Variants in FRS2 observed in about 807,000 individuals in gnomAD.
FRS2 encodes fibroblast growth factor receptor substrate 2.
In FRS2, 8 loss-of-function variants were observed where a neutral mutation model predicts 43.9. The observed-to-expected ratio is 0.18, with a 90% CI of 0.11 to 0.33. FRS2 has a LOEUF of 0.33. Ranked by LOEUF, FRS2 falls within the 10% of genes least tolerant of loss-of-function variation. FRS2 has a pLI of 1.00. For synonymous variants in FRS2, 219 were observed against 220.3 expected, an observed-to-expected ratio of 0.99 and a Z score of 0.05; for missense variants, 534 against 627.6, an observed-to-expected ratio of 0.85 and a Z score of 1.59.
At position 69,556,227 on chromosome 12, in the gene FRS2, A is replaced by T. The variant is rs188982950; in HGVS notation, c.-121-5953A>T. On this transcript the variant is annotated intron_variant, in intron 3 of 8. Coordinates refer to ENST00000549921, the MANE Select transcript of FRS2 (RefSeq NM_001278356.2). ...ATATTTAGACTTTTAATATTAGTCTAGTAACATCATATCCAACTGAGTTTG... is the reference window on the plus strand; with the variant it reads ...ATATTTAGACTTTTAATATTAGTCTTGTAACATCATATCCAACTGAGTTTG... Among the ~76,000 whole-genome samples, 85 of 152,308 alleles carry T rather than the reference A, an allele frequency of 5.6e-4. 1 individual carries two copies. Among genetic ancestry groups the T allele is most frequent in the Middle Eastern group, 3.4e-3 (1 of 294 alleles).
intron 3 of FRS2, among the ~76,000 whole-genome samples, chr12:69,541,964 G>T (rs1877951360): frequency 6.6e-6 from 1 of 151,810 alleles, no homozygotes; most frequent in South Asian, 2.1e-4. Context: ...AATTTAAAGG[G>T]AGATACTGGT....
intron 1 of FRS2, among the ~76,000 whole-genome samples, chr12:69,485,082 AACACACACACACACACACACACACACAC>A (rs71094716): frequency 2.3e-5 from 2 of 85,348 alleles, no homozygotes; most frequent in Admixed American, 1.2e-4. Context: ...CTCATCTTAA[AACACACACACACACACACACACACACAC>A]ACACACACAC....
At chr12:69,528,307 T>C (rs1379523921) in intron 1 of FRS2, among the ~76,000 whole-genome samples, 1 of 152,232 alleles carries the variant, frequency 6.6e-6, no homozygotes, top group Non-Finnish European at 1.5e-5. Flanking sequence ...GTGAGTTCTT[T>C]TGATTGTTTC....
At chr12:69,475,373 G>A (rs1431164419) in intron 1 of FRS2, among the ~76,000 whole-genome samples, 2 of 152,186 alleles carry the variant, frequency 1.3e-5, no homozygotes, top group African/African-American at 4.8e-5. Context: ...GGGGTTTTGT[G>A]TGTGCTTTGT....
intron 6 of FRS2, 69 bp downstream of exon 6, chr12:69,570,586 GATTAA>G (rs1257426628): frequency 2.2e-5 from 20 of 893,802 alleles, no homozygotes; most frequent in Non-Finnish European, 3.2e-5. Context: ...TGTATACAAA[GATTAA>G]ATTAATATTT....
chr12:69,549,774 A>G (rs536681729), intron 3 of FRS2, among the ~76,000 whole-genome samples: 6 of 152,280 alleles, frequency 3.9e-5, no homozygotes, highest in African/African-American at 9.6e-5. Flanking sequence ...ACTGGTTTCT[A>G]CAGTCTTACC....
intron 3 of FRS2, among the ~76,000 whole-genome samples, chr12:69,542,815 C>T (rs1033602642): frequency 6.6e-6 from 1 of 152,076 alleles, no homozygotes; most frequent in Admixed American, 6.6e-5. Flanking sequence ...ATGAGAAATC[C>T]AATATAAACA....
At chr12:69,530,172 GATA>G (rs1285322484) in intron 1 of FRS2, among the ~76,000 whole-genome samples, 5 of 146,120 alleles carry the variant, frequency 3.4e-5, no homozygotes, top group African/African-American at 8.1e-5. Flanking sequence ...AACAATTAAT[GATA>G]ATAATTGCTT....
chr12:69,527,266 A>T (rs1565748329), intron 1 of FRS2, among the ~76,000 whole-genome samples: 1 of 150,968 alleles, frequency 6.6e-6, no homozygotes. Flanking sequence ...TTTACTCTTA[A>T]TGTATAGCAG....
chr12:69,497,771 C>T (rs1017089950), intron 1 of FRS2, among the ~76,000 whole-genome samples: 11 of 152,178 alleles, frequency 7.2e-5, no homozygotes, highest in African/African-American at 2.4e-4. Flanking sequence ...TAATTTGTTT[C>T]TTACTGTATT....
chr12:69,560,751 T>G (rs1027627894), intron 3 of FRS2, among the ~76,000 whole-genome samples: 1 of 152,208 alleles, frequency 6.6e-6, no homozygotes, highest in Non-Finnish European at 1.5e-5. Context: ...AGTGTAATTT[T>G]TAGCCTCTTG....
intron 1 of FRS2, 100 bp downstream of exon 1, chr12:69,470,630 C>A (rs1339900649): frequency 8.6e-6 from 2 of 232,126 alleles, no homozygotes; most frequent in Non-Finnish European, 1.7e-5. Flanking sequence ...GCTGAGGGCT[C>A]GGCTGCCGGC....
chr12:69,519,066 G>T (rs1032144568), intron 1 of FRS2, among the ~76,000 whole-genome samples: 9 of 151,862 alleles, frequency 5.9e-5, no homozygotes, highest in South Asian at 4.2e-4. Flanking sequence ...GGATTATTGC[G>T]TAGAAAATAA....
intron 4 of FRS2, among the ~76,000 whole-genome samples, chr12:69,566,806 C>T (rs1470683390): frequency 6.6e-6 from 1 of 152,130 alleles, no homozygotes; most frequent in Non-Finnish European, 1.5e-5. Flanking sequence ...TAGAGGCAGG[C>T]TATCTTCGAG....
intron 1 of FRS2, among the ~76,000 whole-genome samples, chr12:69,511,730 T>C (rs1371106753): frequency 6.6e-6 from 1 of 152,148 alleles, no homozygotes; most frequent in Non-Finnish European, 1.5e-5. Flanking sequence ...GACTGGCTAG[T>C]TGGTTATTGA....
At chr12:69,573,940 T>C in intron 8 of FRS2, 65 bp from the exon 9 acceptor site, 1 of 1,029,490 alleles carries the variant, frequency 9.7e-7, no homozygotes, top group Non-Finnish European at 1.4e-6. Context: ...ACTGATGTGG[T>C]CAGGCTTTTT....
Position 69,546,899 on chromosome 12 carries a change from A to G in FRS2, c.-122+14843A>G, listed in dbSNP as rs924835369. ...GAGTATACCCAAAAGAACTGAAGGC[A>G]GGGTCTTGAGGTATTTGTACACCCA... On this transcript the variant is annotated intron_variant, in intron 3 of 8. Transcript: ENST00000549921. 2.0e-5 allele frequency among the ~76,000 whole-genome samples: 3 copies of G among 152,240 alleles called. No individual in the cohort carries two copies. The South Asian group carries it at 6.2e-4, about 31-fold the overall frequency.
At chr12:69,532,663 C>A (rs978381420) in intron 3 of FRS2, among the ~76,000 whole-genome samples, 1 of 152,140 alleles carries the variant, frequency 6.6e-6, no homozygotes, top group Non-Finnish European at 1.5e-5. Context: ...ATTTCAGCAT[C>A]TGAATTTTAG....
intron 1 of FRS2, among the ~76,000 whole-genome samples, chr12:69,523,446 CTTTAT>C (rs988889556): frequency 6.6e-6 from 1 of 152,142 alleles, no homozygotes; most frequent in African/African-American, 2.4e-5. Context: ...TTCTCCACTC[CTTTAT>C]TTTGAGTCCA....
Sources: allele counts gnomAD v4.1 joint callset (sites outside exome capture counted in the v4.1 genomes callset), GRCh38; gene constraint gnomAD v4.1.1; transcripts MANE v1.5; gene names NCBI Gene and HGNC (gene_info 2026-07-23, HGNC 2026-07-21).